Variants in PRAG1 observed in about 807,000 individuals in gnomAD.
PRAG1 encodes the protein PEAK1 related, kinase-activating pseudokinase 1, also known as inactive tyrosine-protein kinase PRAG1.
Under a neutral mutation model 95.6 loss-of-function variants are expected in PRAG1, and 110 were observed. The observed-to-expected ratio is 1.15, with a 90% CI of 0.99 to 1.35. The LOEUF (loss-of-function observed/expected upper bound fraction) is 1.35, where lower values mean the gene tolerates loss of function less well. Among genes scored for constraint, PRAG1 ranks in the 40% most tolerant of loss-of-function variants. The pLI is 0.00. For synonymous variants in PRAG1, 1,052 were observed against 819.4 expected (o/e 1.28, Z -4.85); for missense variants, 2,554 against 1,864.7 (o/e 1.37, Z -6.81).
intron 5 of PRAG1, among the ~76,000 whole-genome samples, chr8:8,320,072 G>C (rs1798426276): frequency 6.6e-6 from 1 of 152,216 alleles, no homozygotes; most frequent in Non-Finnish European, 1.5e-5. Flanking sequence ...ATGACCCAGT[G>C]AGTGGGGTCC....
chr8:8,353,622 T>G (rs908760451), intron 3 of PRAG1, among the ~76,000 whole-genome samples: 1 of 152,052 alleles, frequency 6.6e-6, no homozygotes, highest in Non-Finnish European at 1.5e-5. Flanking sequence ...AAATAAATAG[T>G]ATAACATTAT....
rs1481900553 is a variant in PRAG1, at chr8:8,377,351, GCGCCGC to G, written c.1052_1057del (p.Ser351_Ala353delinsThr). 19 of 1,576,900 alleles carry G rather than the reference GCGCCGC, an allele frequency of 1.2e-5. No homozygotes were observed. The highest frequency in any genetic ancestry group is 2.2e-5 in the East Asian group (1 of 44,520). ...GAGGTGGGGGACGAAGGGGCTACTG[GCGCCGC>G]TGCCGCTGCCGCTGCCGCTGCCACA... On this transcript the variant is annotated inframe_deletion, in exon 3 of 6. Transcript: ENST00000615670.
At chr8:8,340,388 C>T (rs557891360) in intron 3 of PRAG1, among the ~76,000 whole-genome samples, 5 of 152,220 alleles carry the variant, frequency 3.3e-5, no homozygotes, top group Non-Finnish European at 7.3e-5. Context: ...TTATTGATTT[C>T]TCCTTCCCAC....
chr8:8,349,416 T>G (rs891352838), intron 3 of PRAG1, among the ~76,000 whole-genome samples: 6 of 151,924 alleles, frequency 3.9e-5, no homozygotes, highest in African/African-American at 1.2e-4. Flanking sequence ...GAGTAGCTGG[T>G]ACTACAGGCG....
At chr8:8,341,314 A>G (rs560473325) in intron 3 of PRAG1, among the ~76,000 whole-genome samples, 2 of 152,332 alleles carry the variant, frequency 1.3e-5, no homozygotes, top group East Asian at 1.9e-4. Context: ...ATGAGCATAT[A>G]TATATATTCA....
rs1335307235 is a variant in PRAG1, at chr8:8,327,984, C to A, written c.2798G>T (p.Ser933Ile). 1 of 1,598,152 alleles carries A rather than the reference C, an allele frequency of 6.3e-7. No homozygotes were observed. Among genetic ancestry groups the A allele is most frequent in the Admixed American group, 1.7e-5 (1 of 58,956 alleles). Reference protein sequence around the residue: ...LSVSSQASTGSTQLQLHGLLS... With the variant: ...LSVSSQASTGITQLQLHGLLS... ...GAGACCGTGCAGCTGAAGCTGGGTGCTCCCGGTGGAGGCTTGACTGGACAC... is the reference window on the plus strand; with the variant it reads ...GAGACCGTGCAGCTGAAGCTGGGTGATCCCGGTGGAGGCTTGACTGGACAC... Residue 933 changes from serine (S) to isoleucine (I), a missense_variant, in exon 5 of 6, where the codon AGC becomes ATC. By Grantham distance (142) the Ser-to-Ile change is moderately radical (BLOSUM62 -2). Coordinates refer to ENST00000615670, the MANE Select transcript of PRAG1 (RefSeq NM_001080826.3).
chr8:8,347,540 G>C (rs984433834), intron 3 of PRAG1, among the ~76,000 whole-genome samples: 5 of 152,108 alleles, frequency 3.3e-5, no homozygotes, highest in Admixed American at 3.3e-4. Flanking sequence ...ACTTACTAAA[G>C]TCAAAATCAT....
Position 8,339,616 on chromosome 8 carries a change from T to C in PRAG1, c.2182A>G (p.Lys728Glu). The C allele has an allele frequency of 6.2e-7, 1 of 1,612,298 alleles. No homozygotes were observed. The highest frequency in any genetic ancestry group is 8.5e-7 in the Non-Finnish European group (1 of 1,178,420). Residue 728 changes from lysine to glutamate, a missense_variant, in exon 4 of 6, where the codon AAG becomes GAG. Physicochemically the swap from Lys to Glu is moderately conservative, Grantham distance 56. Transcript: ENST00000615670. ...PKSRHLLKMN[K>E]SSSDLEKVSQ... ...ACTTTTTCCAAATCAGAGCTGCTCT[T>C]GTTCATTTTTAGAAGGTGCCTGGAA...
At position 8,318,334 on chromosome 8, in the gene PRAG1, C is replaced by G. The variant is rs778289297; in HGVS notation, c.4041G>C (p.Leu1347=). Residue 1347 remains leucine, a synonymous_variant, in exon 6 of 6, where the codon CTG becomes CTC. Transcript: ENST00000615670. This position sits in a 1 kb window ranked among gnomAD's most constrained non-coding sequence, Gnocchi z 4.2. ...CGATCCAGTTGTGCAGCGTGCCGCA[C>G]AGCGCCTCCTCCGAGGTGCCCGGCT... ...VQQPGTSEEA[L]CGTLHNWIDM... is the part of the protein sequence containing the mutation. The G allele has an allele frequency of 6.2e-7, 1 of 1,614,136 alleles. No individual in the cohort carries two copies. The highest frequency in any genetic ancestry group is 8.5e-7 in the Non-Finnish European group (1 of 1,179,966).
rs200725218 is a variant in PRAG1, at chr8:8,319,062, G to C, written c.3313C>G (p.Arg1105Gly). 6.2e-7 allele frequency: 1 copy of C among 1,611,938 alleles called. No individual in the cohort carries two copies. The highest frequency in any genetic ancestry group is 1.1e-5 in the South Asian group (1 of 91,038). The stretch of plus-strand genomic sequence containing the variant: ...GCCTGGTGGCTGGCCGCCGAGTCCC[G>C]CACGAAGTCGGAGGCGGTCTGATGT... Reference protein sequence around the residue: ...VPHQTASDFVRDSAASHQAEP... With the variant: ...VPHQTASDFVGDSAASHQAEP... Residue 1105 changes from arginine to glycine, a missense_variant, in exon 6 of 6, where the codon CGG (arginine) becomes GGG (glycine). Physicochemically the swap from Arg to Gly is moderately radical, Grantham distance 125. Coordinates refer to ENST00000615670, the MANE Select transcript of PRAG1 (RefSeq NM_001080826.3).
intron 3 of PRAG1, among the ~76,000 whole-genome samples, chr8:8,360,074 G>A (rs1306100220): frequency 6.6e-6 from 1 of 152,086 alleles, no homozygotes; most frequent in Non-Finnish European, 1.5e-5. Context: ...AATCAAAAAG[G>A]TGATTAATTC....
chr8:8,380,245 A>T (rs1404393084), intron 2 of PRAG1, among the ~76,000 whole-genome samples: 2 of 152,198 alleles, frequency 1.3e-5, no homozygotes, highest in Non-Finnish European at 2.9e-5. Flanking sequence ...ACTGCACTCC[A>T]GCCTGAGCAA....
intron 4 of PRAG1, among the ~76,000 whole-genome samples, chr8:8,336,224 C>G (rs942397956): frequency 1.3e-5 from 2 of 152,166 alleles, no homozygotes; most frequent in African/African-American, 4.8e-5. Flanking sequence ...AACTGCTGAA[C>G]TGAATTTTAA....
chr8:8,341,155 C>G (rs1799149414), intron 3 of PRAG1, among the ~76,000 whole-genome samples: 3 of 152,164 alleles, frequency 2.0e-5, no homozygotes, highest in African/African-American at 7.2e-5. Context: ...AAAGTGGTTT[C>G]TAGAGTTTCT....
intron 3 of PRAG1, among the ~76,000 whole-genome samples, chr8:8,363,681 A>G (rs546510368): frequency 4.9e-4 from 75 of 152,326 alleles, no homozygotes; most frequent in African/African-American, 1.8e-3. Context: ...TTTATACTTT[A>G]AAATGGTTAC....
intron 5 of PRAG1, among the ~76,000 whole-genome samples, chr8:8,320,975 G>C (rs1411415438): frequency 6.6e-6 from 1 of 152,206 alleles, no homozygotes; most frequent in South Asian, 2.1e-4. Flanking sequence ...AAGCAGAATG[G>C]TAATAAAAAG....
At chr8:8,378,446 G>C (rs963019993) in intron 2 of PRAG1, among the ~76,000 whole-genome samples, 25 of 152,334 alleles carry the variant, frequency 1.6e-4, no homozygotes, top group African/African-American at 5.8e-4. Context: ...TGTTCCACTG[G>C]ATTGGAAAAT....
intron 3 of PRAG1, chr8:8,374,779 G>C: frequency 1.1e-6 from 1 of 891,800 alleles, no homozygotes; most frequent in Non-Finnish European, 1.3e-6. Flanking sequence ...CAAAGTAGTG[G>C]TCATGAGAAA....
intron 3 of PRAG1, among the ~76,000 whole-genome samples, chr8:8,359,172 A>ACTTTGAAGATACCAAAAATTTTAGGAG (rs1799771772): frequency 6.6e-6 from 1 of 152,216 alleles, no homozygotes; most frequent in Non-Finnish European, 1.5e-5. Context: ...ACTTTTCACA[A>ACTTTGAAGATACCAAAAATTTTAGGAG]TTCCCTCCTC....
Sources: gnomAD v4.1 joint callset for allele counts (sites outside exome capture counted in the v4.1 genomes callset) on GRCh38, gnomAD v4.1.1 for gene constraint, Gnocchi (gnomAD v3.1) non-coding constraint, MANE v1.5 for transcripts, NCBI Gene and HGNC (gene_info 2026-07-23, HGNC 2026-07-21) for gene names.